SIPA1L1: variants seen among roughly 807,000 people sequenced by gnomAD.
The protein encoded by SIPA1L1 is signal-induced proliferation-associated 1-like protein 1.
SIPA1L1 carries 26 observed loss-of-function variants against 162.7 expected under a neutral mutation model. The ratio of observed to expected loss-of-function variants is 0.16; its 90% CI spans 0.12 to 0.22. The LOEUF (loss-of-function observed/expected upper bound fraction) is 0.22, where lower values mean the gene tolerates loss of function less well. Ranked by LOEUF, SIPA1L1 falls within the 10% of genes least tolerant of loss-of-function variation. The probability of loss-of-function intolerance (pLI) is 1.00; values close to 1 mark genes in which losing one functional copy is unlikely to be tolerated. For synonymous variants in SIPA1L1, 829 were observed against 837.4 expected, an observed-to-expected ratio of 0.99 and a Z score of 0.17; for missense variants, 1,874 against 2,241.0, an observed-to-expected ratio of 0.84 and a Z score of 3.31.
chr14:71,458,651 G>T (rs906142496), intron 2 of SIPA1L1, among the ~76,000 whole-genome samples: 1 of 152,122 alleles, frequency 6.6e-6, no homozygotes, highest in Non-Finnish European at 1.5e-5. Flanking sequence ...GTTTTTACTA[G>T]ATGTATTATG....
intron 4 of SIPA1L1, among the ~76,000 whole-genome samples, chr14:71,564,980 C>A (rs145655079): frequency 1.3e-5 from 2 of 152,166 alleles, no homozygotes; most frequent in African/African-American, 4.8e-5. Flanking sequence ...TGTTTCTGTC[C>A]CTATAAAGAG....
intron 10 of SIPA1L1, among the ~76,000 whole-genome samples, chr14:71,662,488 T>A (rs993855137): frequency 1.3e-5 from 2 of 152,226 alleles, no homozygotes; most frequent in African/African-American, 4.8e-5. Flanking sequence ...TATCTCCATT[T>A]TCAGATGATG....
intron 2 of SIPA1L1, among the ~76,000 whole-genome samples, chr14:71,436,725 T>A (rs1357096747): frequency 6.6e-6 from 1 of 151,978 alleles, no homozygotes; most frequent in Non-Finnish European, 1.5e-5. Context: ...TTGTTCTTGT[T>A]TATTTTCCAT....
At chr14:71,467,674 A>G (rs190556504) in intron 2 of SIPA1L1, among the ~76,000 whole-genome samples, 27 of 152,200 alleles carry the variant, frequency 1.8e-4, no homozygotes, top group Non-Finnish European at 3.5e-4. Flanking sequence ...TTGAGAGACA[A>G]TGTCATGCCT....
chr14:71,500,668 T>C (rs1396662274), intron 2 of SIPA1L1, among the ~76,000 whole-genome samples: 1 of 152,160 alleles, frequency 6.6e-6, no homozygotes, highest in Non-Finnish European at 1.5e-5. Context: ...ATAGCAGCAT[T>C]ATTTGTGCTT....
chr14:71,372,469 T>C (rs1392178985), intron 2 of SIPA1L1, among the ~76,000 whole-genome samples: 1 of 152,198 alleles, frequency 6.6e-6, no homozygotes, highest in Non-Finnish European at 1.5e-5. Flanking sequence ...TTCCAAAATT[T>C]ACAATTCGCT....
At chr14:71,353,380 G>C (rs1359508339) in intron 2 of SIPA1L1, among the ~76,000 whole-genome samples, 1 of 152,170 alleles carries the variant, frequency 6.6e-6, no homozygotes, top group East Asian at 1.9e-4. Flanking sequence ...AGAGGCAGCA[G>C]GTGTGAAGAA....
At chr14:71,345,796 C>T (rs1276214202) in intron 2 of SIPA1L1, among the ~76,000 whole-genome samples, 1 of 152,024 alleles carries the variant, frequency 6.6e-6, no homozygotes, top group East Asian at 1.9e-4. Context: ...TCTCCACCTC[C>T]TGACCTCGTG....
chr14:71,417,077 AC>A (rs1402981082), intron 2 of SIPA1L1, among the ~76,000 whole-genome samples: 2 of 152,044 alleles, frequency 1.3e-5, no homozygotes, highest in Non-Finnish European at 2.9e-5. Context: ...CTCCTCCAGA[AC>A]TTAACTACTA....
intron 17 of SIPA1L1, among the ~76,000 whole-genome samples, chr14:71,716,000 A>G (rs961017230): frequency 1.3e-5 from 2 of 152,210 alleles, no homozygotes; most frequent in African/African-American, 2.4e-5. Flanking sequence ...ACTGCTGCAT[A>G]TAGCTGGCCA....
intron 4 of SIPA1L1, among the ~76,000 whole-genome samples, chr14:71,572,047 G>T (rs1222249311): frequency 6.6e-6 from 1 of 152,110 alleles, no homozygotes; most frequent in African/African-American, 2.4e-5. Flanking sequence ...GCAGCATCCC[G>T]AGAAGGCGAT....
At chr14:71,477,049 G>GT (rs1330508112) in intron 2 of SIPA1L1, among the ~76,000 whole-genome samples, 2 of 152,112 alleles carry the variant, frequency 1.3e-5, no homozygotes, top group African/African-American at 4.8e-5. Context: ...GAGGTCAGGA[G>GT]TTTGAGGCCA....
chr14:71,334,571 A>G (rs985649642), intron 2 of SIPA1L1, among the ~76,000 whole-genome samples: 4 of 152,200 alleles, frequency 2.6e-5, no homozygotes, highest in African/African-American at 9.7e-5. Context: ...CTTGCCTCTT[A>G]ATAAACATAG....
At chr14:71,327,326 C>T (rs541895741) in intron 2 of SIPA1L1, among the ~76,000 whole-genome samples, 13 of 152,264 alleles carry the variant, frequency 8.5e-5, no homozygotes, top group Admixed American at 6.5e-4. Flanking sequence ...TCAGGTGATC[C>T]GCCCGCCTCG....
At chr14:71,329,770 T>C (rs139154347) in intron 2 of SIPA1L1, among the ~76,000 whole-genome samples, 231 of 152,360 alleles carry the variant, frequency 1.5e-3, no homozygotes, top group Non-Finnish European at 2.5e-3. Flanking sequence ...TGTTCAAGCC[T>C]TCTGCCCATT....
intron 14 of SIPA1L1, among the ~76,000 whole-genome samples, chr14:71,700,909 G>T (rs2082040205): frequency 6.7e-6 from 1 of 149,616 alleles, no homozygotes; most frequent in Non-Finnish European, 1.5e-5. Context: ...CAGGAGAATG[G>T]TGTGAACCCG....
intron 12 of SIPA1L1, among the ~76,000 whole-genome samples, chr14:71,682,161 C>T (rs889115247): frequency 1.3e-5 from 2 of 152,160 alleles, no homozygotes; most frequent in Admixed American, 1.3e-4. Context: ...CTATTTCCTC[C>T]TCTACAAAGT....
At chr14:71,578,188 C>T (rs965753557) in intron 4 of SIPA1L1, among the ~76,000 whole-genome samples, 4 of 152,014 alleles carry the variant, frequency 2.6e-5, no homozygotes, top group Non-Finnish European at 4.4e-5. Flanking sequence ...GGATTACAGG[C>T]GTGAGCCACT....
chr14:71,470,370 T>C (rs78443993), intron 2 of SIPA1L1, among the ~76,000 whole-genome samples: 2,743 of 152,328 alleles, frequency 0.018, 33 homozygotes, highest in African/African-American at 0.027. Context: ...TTTTAATTCC[T>C]GTCTGCTGTG....
Sources: allele counts gnomAD v4.1 joint callset (sites outside exome capture counted in the v4.1 genomes callset), GRCh38; gene constraint gnomAD v4.1.1; transcripts MANE v1.5; gene names NCBI Gene and HGNC (gene_info 2026-07-23, HGNC 2026-07-21).